The following CNTN6 variants were observed in gnomAD, a reference collection of about 807,000 sequenced individuals.
The protein encoded by CNTN6 is contactin-6.
A neutral mutation model predicts 122.8 loss-of-function variants in CNTN6; 137 were observed. That is an observed-to-expected ratio of 1.12 (90% CI 0.97 to 1.29). The LOEUF (loss-of-function observed/expected upper bound fraction) is 1.29. Ranked by LOEUF, CNTN6 falls within the 50% of genes most tolerant of loss-of-function variation. CNTN6 has a pLI of 0.00. For synonymous variants in CNTN6, 570 were observed against 426.0 expected (o/e 1.34, Z -4.16); for missense variants, 1,634 against 1,223.4 (o/e 1.34, Z -5.01).
At chr3:1,392,764 C>T (rs1275542884) in intron 20 of CNTN6, among the ~76,000 whole-genome samples, 21 of 142,280 alleles carry the variant, frequency 1.5e-4, no homozygotes, top group African/African-American at 4.7e-4. Flanking sequence ...ACAGACACTT[C>T]TCAAAAGAAG....
intron 1 of CNTN6, among the ~76,000 whole-genome samples, chr3:1,116,771 C>T (rs974573339): frequency 1.2e-4 from 17 of 143,168 alleles, no homozygotes; most frequent in Admixed American, 1.2e-3. Flanking sequence ...GTGGCATAAT[C>T]TCAGCTCACT....
At chr3:1,254,738 G>C (rs1383397146) in intron 4 of CNTN6, among the ~76,000 whole-genome samples, 2 of 152,116 alleles carry the variant, frequency 1.3e-5, no homozygotes, top group Admixed American at 1.3e-4. Flanking sequence ...AAGAAAGCAG[G>C]ATTCAAGATG....
At chr3:1,124,909 A>G (rs1233460777) in intron 1 of CNTN6, among the ~76,000 whole-genome samples, 1 of 151,904 alleles carries the variant, frequency 6.6e-6, no homozygotes, top group Non-Finnish European at 1.5e-5. Flanking sequence ...GTTAATTTCT[A>G]CAAGGTCTGG....
intron 7 of CNTN6, among the ~76,000 whole-genome samples, chr3:1,318,844 G>A (rs1328364129): frequency 2.6e-5 from 4 of 151,714 alleles, no homozygotes; most frequent in Admixed American, 6.6e-5. Context: ...ACAGCTTGAG[G>A]ACAGTGTCCA....
intron 2 of CNTN6, among the ~76,000 whole-genome samples, chr3:1,191,551 T>A (rs2093702910): frequency 6.6e-6 from 1 of 152,154 alleles, no homozygotes; most frequent in South Asian, 2.1e-4. Context: ...CTAGGTACCT[T>A]TTCAGCCAGC....
At chr3:1,095,549 G>GA (rs2090483825) in intron 1 of CNTN6, among the ~76,000 whole-genome samples, 1 of 152,008 alleles carries the variant, frequency 6.6e-6, no homozygotes, top group Non-Finnish European at 1.5e-5. Flanking sequence ...TAATTAAACT[G>GA]AAAAAAGAGA....
At chr3:1,137,842 G>A (rs1382426370) in intron 1 of CNTN6, among the ~76,000 whole-genome samples, 1 of 152,130 alleles carries the variant, frequency 6.6e-6, no homozygotes, top group Non-Finnish European at 1.5e-5. Context: ...CTTAACCACT[G>A]GCTAAACAAT....
At chr3:1,388,340 A>C (rs7616358) in intron 20 of CNTN6, among the ~76,000 whole-genome samples, 6,343 of 132,406 alleles carry the variant, frequency 0.048, 243 homozygotes, top group Admixed American at 0.1. Context: ...AACAGACCTG[A>C]AGCTGAGGGT....
chr3:1,295,972 C>T (rs1009714012), intron 6 of CNTN6, among the ~76,000 whole-genome samples, 168 bp downstream of exon 6: 1 of 152,196 alleles, frequency 6.6e-6, no homozygotes, highest in African/African-American at 2.4e-5. Context: ...ATCTAATTCA[C>T]CCACATGGTG....
chr3:1,187,120 T>G (rs1458582134), intron 2 of CNTN6, among the ~76,000 whole-genome samples: 4 of 152,152 alleles, frequency 2.6e-5, no homozygotes, highest in Non-Finnish European at 4.4e-5. Flanking sequence ...TTGTTGTTGT[T>G]TTTACAATTC....
chr3:1,321,213 G>C (rs917476330), intron 7 of CNTN6, among the ~76,000 whole-genome samples: 2 of 151,604 alleles, frequency 1.3e-5, no homozygotes, highest in Admixed American at 6.6e-5. Context: ...AGCCTGCCTA[G>C]TCTTAAATGT....
chr3:1,327,695 C>A, intron 10 of CNTN6, 109 bp downstream of exon 10: 2 of 1,078,114 alleles, frequency 1.9e-6, no homozygotes, highest in South Asian at 1.6e-5. Flanking sequence ...GCTGTCCCAT[C>A]AAATAATGGG....
At chr3:1,245,260 T>C (rs1360337201) in intron 4 of CNTN6, among the ~76,000 whole-genome samples, 3 of 3,338 alleles carry the variant, frequency 9.0e-4, no homozygotes, top group African/African-American at 2.5e-3. Context: ...ATATATAACA[T>C]ATATATATAT....
At chr3:1,132,518 A>G (rs1408508432) in intron 1 of CNTN6, among the ~76,000 whole-genome samples, 1 of 151,848 alleles carries the variant, frequency 6.6e-6, no homozygotes, top group East Asian at 1.9e-4. Context: ...TGAGACAAGG[A>G]GTTTGAGAAT....
At position 1,373,981 on chromosome 3, in the gene CNTN6, G is replaced by A. The variant is rs1366581527; in HGVS notation, c.2003G>A (p.Trp668Ter). The part of the protein sequence containing the change: ...YNATVVGLSP[W>*]VEYEFRVVAG... ...GCAACAGTGGTTGGTTTGAGTCCTT[G>A]GGTGGAATATGAATTTCGTGTTGTT... The change falls in exon 16 of 23, where the codon TGG becomes TAG. Residue 668 changes from tryptophan (W) to a stop codon, truncating the protein, a stop_gained. Coordinates refer to ENST00000446702, the MANE Select transcript of CNTN6 (RefSeq NM_001289080.2). LOFTEE classifies it high-confidence loss of function. The A allele has an allele frequency of 6.2e-7, 1 of 1,613,252 alleles. No homozygotes were observed. Among genetic ancestry groups the A allele is most frequent in the Non-Finnish European group, 8.5e-7 (1 of 1,179,430 alleles).
chr3:1,132,730 G>A (rs929895212), intron 1 of CNTN6, among the ~76,000 whole-genome samples: 1 of 151,746 alleles, frequency 6.6e-6, no homozygotes, highest in African/African-American at 2.4e-5. Context: ...CTTGCTGGGG[G>A]TCACTTTACT....
At chr3:1,330,652 C>T (rs941812425) in intron 11 of CNTN6, among the ~76,000 whole-genome samples, 5 of 151,806 alleles carry the variant, frequency 3.3e-5, no homozygotes, top group South Asian at 2.1e-4. Flanking sequence ...CTAATGTGAA[C>T]GAGCCATTGT....
chr3:1,310,267 A>G (rs1699024380), intron 7 of CNTN6, among the ~76,000 whole-genome samples: 1 of 152,118 alleles, frequency 6.6e-6, no homozygotes, highest in Admixed American at 6.5e-5. Context: ...TTTGGCAGAC[A>G]TTTTTATCAA....
At chr3:1,117,113 C>T (rs1157738863) in intron 1 of CNTN6, among the ~76,000 whole-genome samples, 2 of 152,130 alleles carry the variant, frequency 1.3e-5, no homozygotes, top group South Asian at 4.1e-4. Flanking sequence ...AGAGTGGATG[C>T]TTACAGGGAA....
Sources: gnomAD v4.1 joint callset for allele counts (sites outside exome capture counted in the v4.1 genomes callset) on GRCh38, gnomAD v4.1.1 for gene constraint, MANE v1.5 for transcripts, NCBI Gene and HGNC (gene_info 2026-07-23, HGNC 2026-07-21) for gene names.